SLC38A7: variants seen among roughly 807,000 people sequenced by gnomAD.
SLC38A7 encodes the protein sodium-coupled neutral amino acid transporter 7.
A neutral mutation model predicts 50.1 loss-of-function variants in SLC38A7; 29 were observed. The observed-to-expected ratio is 0.58, with a 90% CI of 0.43 to 0.79. The LOEUF is 0.79. SLC38A7 is among the 30% of genes least tolerant of loss of function. The probability of loss-of-function intolerance (pLI) is 0.00; values close to 1 mark genes in which losing one functional copy is unlikely to be tolerated. For missense variants in SLC38A7, 483 were observed against 610.6 expected (o/e 0.79, Z 2.20); for synonymous variants, 244 against 245.9 (o/e 0.99, Z 0.07).
intron 9 of SLC38A7, chr16:58,671,827 C>T: frequency 3.1e-6 from 1 of 317,942 alleles, no homozygotes. Context: ...CCTCAGCCTC[C>T]CAAAGTGCTG....
chr16:58,679,587 C>T (rs942193504), intron 3 of SLC38A7: 12 of 533,302 alleles, frequency 2.3e-5, no homozygotes, highest in African/African-American at 1.3e-4. Context: ...GATAAGGGCC[C>T]TCTTTTTAAA....
intron 2 of SLC38A7, chr16:58,681,634 C>A: frequency 6.6e-6 from 1 of 152,360 alleles, no homozygotes; most frequent in Non-Finnish European, 1.5e-5. Context: ...CGTCAGAATG[C>A]TGACTCCTCC....
intron 9 of SLC38A7, 37 bp from the exon 10 acceptor site, chr16:58,671,281 T>G (rs1044564495): frequency 6.3e-7 from 1 of 1,595,864 alleles, no homozygotes; most frequent in South Asian, 1.1e-5. Flanking sequence ...GTGCCCCTGC[T>G]GCTAGCAGCT....
At chr16:58,677,545 A>G (rs1391515816) in intron 5 of SLC38A7, 121 bp from the exon 6 acceptor site, 1 of 809,634 alleles carries the variant, frequency 1.2e-6, no homozygotes. Flanking sequence ...ACCGGAGACT[A>G]TGCCAAGCAG....
rs779098284 is a variant in SLC38A7, at chr16:58,678,916, G to C, written c.271-22C>G. On this transcript the variant is annotated intron_variant, in intron 3 of 11. Coordinates refer to ENST00000219320, the MANE Select transcript of SLC38A7 (RefSeq NM_018231.3). This position sits in a 1 kb window ranked among gnomAD's most constrained non-coding sequence, Gnocchi z 4.0. ...TACCCTGCAGGCAGAGGCAGAACAA[G>C]AGCTTGTGGCAAAGGCCTGGCAGCA... The C allele has an allele frequency of 2.5e-6, 4 of 1,607,840 alleles. No individual in the cohort carries two copies. The East Asian group carries it at 8.9e-5, about 36-fold the overall frequency.
In SLC38A7 at chr16:58,667,487, G is replaced by A; in HGVS notation, c.1287C>T (p.Ser429=). 6.2e-7 allele frequency: 1 copy of A among 1,605,332 alleles called. No homozygotes were observed. The highest frequency in any genetic ancestry group is 8.5e-7 in the Non-Finnish European group (1 of 1,175,758). The part of the protein sequence containing the change: ...LSEMEEVKPA[S]WWVLVSYGVL... Reference sequence around the variant, plus strand: ...CTCCGTAGCTGACCAGCACCCACCAGCTGTAGAACAGAGGGTGAGAGAGGT... The same window carrying A: ...CTCCGTAGCTGACCAGCACCCACCAACTGTAGAACAGAGGGTGAGAGAGGT... The change falls in exon 12 of 12, where the codon AGC becomes AGT. Residue 429 remains serine, a splice_region_variant and synonymous_variant. Transcript: ENST00000219320.
In SLC38A7 at chr16:58,684,050, A is replaced by G. The variant is rs897291314; in HGVS notation, c.-211T>C. 6.6e-6 allele frequency: 1 copy of G among 152,312 alleles called. No homozygotes were observed. Among genetic ancestry groups the G allele is most frequent in the Non-Finnish European group, 1.5e-5 (1 of 68,154 alleles). 9.4% of individuals were successfully genotyped at this position (152,312 alleles called of 1,614,324 possible). A position where few individuals can be genotyped will look rare whatever the true frequency, so the allele number is the denominator to read the frequency against. ...CTCCTCACTTCCCTTTCTGGACCCA[A>G]TTTCTTCTTTCTCAAGACTTTGCCT... On this transcript the variant is annotated 5_prime_UTR_variant, in exon 2 of 12. Transcript: ENST00000219320.
At chr16:58,682,592 T>C (rs562201902) in intron 2 of SLC38A7, among the ~76,000 whole-genome samples, 9 of 151,948 alleles carry the variant, frequency 5.9e-5, no homozygotes, top group Non-Finnish European at 1.2e-4. Context: ...CCCGAGTACC[T>C]GGGACTACAG....
Position 58,678,834 on chromosome 16 carries a change from T to G in SLC38A7, c.331A>C (p.Asn111His). 1 of 1,614,144 alleles carries G rather than the reference T, an allele frequency of 6.2e-7. No homozygotes were observed. ...VILAYCSQAS[N>H]ERTYQEVVWA... ...ACCACCTCCTGGTAGGTCCTCTCAT[T>G]GCTGGCCTGGGAGCAGTAGGCCAGG... The change falls in exon 4 of 12, where the codon AAT becomes CAT. Residue 111 changes from asparagine to histidine, a missense_variant. By Grantham distance (68) the Asn-to-His change is moderately conservative. Transcript: ENST00000219320. The surrounding 1 kb of genome is among the most constrained non-coding windows in gnomAD (Gnocchi z 4.0).
chr16:58,674,880 T>C (rs1398422518), intron 8 of SLC38A7, among the ~76,000 whole-genome samples: 1 of 151,892 alleles, frequency 6.6e-6, no homozygotes, highest in African/African-American at 2.4e-5. Context: ...CCAACCACTC[T>C]CCACACGGCA....
At position 58,671,236 on chromosome 16, in the gene SLC38A7, A is replaced by G; in HGVS notation, c.1040T>C (p.Val347Ala). 5 of 1,613,518 alleles carry G rather than the reference A, an allele frequency of 3.1e-6. No homozygotes were observed. The highest frequency in any genetic ancestry group is 4.2e-6 in the Non-Finnish European group (5 of 1,179,746). The stretch of plus-strand genomic sequence containing the variant: ...CTGGTAGCGCAGCCACAGGCCTTCC[A>G]CCACCGCCCTGCCCACATGGAGAAG... ...PILHFCGRAV[V>A]EGLWLRYQGV... The change falls in exon 10 of 12, where the codon GTG becomes GCG. Residue 347 changes from valine (V) to alanine (A), a missense_variant. By Grantham distance (64) the Val-to-Ala change is moderately conservative. Coordinates refer to ENST00000219320, the MANE Select transcript of SLC38A7 (RefSeq NM_018231.3).
chr16:58,674,868 C>T (rs940083558), intron 8 of SLC38A7, among the ~76,000 whole-genome samples: 8 of 152,074 alleles, frequency 5.3e-5, no homozygotes, highest in Non-Finnish European at 1.0e-4. Flanking sequence ...TGCTCCCTCA[C>T]CCCAACCACT....
Position 58,672,258 on chromosome 16 carries a change from A to C in SLC38A7, c.884-15T>G. On this transcript the variant is annotated splice_polypyrimidine_tract_variant and intron_variant, in intron 8 of 11. Transcript: ENST00000219320. ...GCCACAGATGCCTGTGGGCAGGGAC[A>C]ACTGGGTCAGGGCAACCCTGGGAGG... The C allele has an allele frequency of 3.2e-6, 5 of 1,574,604 alleles. No homozygotes were observed. Among genetic ancestry groups the C allele is most frequent in the Non-Finnish European group, 4.3e-6 (5 of 1,159,694 alleles).
At chr16:58,671,978 CTT>C (rs2044167704) in intron 9 of SLC38A7, 116 bp downstream of exon 9, 19 of 1,286,894 alleles carry the variant, frequency 1.5e-5, no homozygotes, top group Admixed American at 5.8e-5. Flanking sequence ...GGCACCGACT[CTT>C]TTCTACAGGC....
chr16:58,666,559 C>T lies in SLC38A7; in HGVS notation c.*826G>A, dbSNP rs1419707459. The T allele has an allele frequency of 6.5e-6, 1 of 152,852 alleles. No individual in the cohort carries two copies. Among genetic ancestry groups the T allele is most frequent in the Non-Finnish European group, 1.5e-5 (1 of 68,234 alleles). The allele number at this position is 152,852 out of a possible 1,614,324, so 9.5% of individuals were successfully genotyped here. A position where few individuals can be genotyped will look rare whatever the true frequency, so the allele number is the denominator to read the frequency against. ...GGTTCTCAGCCTTCTCCATCACCCA[C>T]CCTGCGGCCTCTGAAAAGAGGGGCC... is the stretch of plus-strand genomic sequence containing the variant. On this transcript the variant is annotated 3_prime_UTR_variant, in exon 12 of 12. Coordinates refer to ENST00000219320, the MANE Select transcript of SLC38A7 (RefSeq NM_018231.3).
chr16:58,680,038 C>T lies in SLC38A7; in HGVS notation c.89G>A (p.Cys30Tyr). The change falls in exon 3 of 12, where the codon TGT (cysteine) becomes TAT (tyrosine). Residue 30 changes from cysteine to tyrosine, a missense_variant. Cys to Tyr is a radical substitution (Grantham distance 194). Coordinates refer to ENST00000219320, the MANE Select transcript of SLC38A7 (RefSeq NM_018231.3). ...GERARLLQSP[C>Y]VDTAPKSEWE... ...CTCACTCTTGGGGGCTGTGTCCACACAGGGACTCTGCAGCAGCCGAGCCCG... is the reference window on the plus strand; with the variant it reads ...CTCACTCTTGGGGGCTGTGTCCACATAGGGACTCTGCAGCAGCCGAGCCCG... 1.2e-6 allele frequency: 2 copies of T among 1,605,514 alleles called. No homozygotes were observed. Among genetic ancestry groups the T allele is most frequent in the Non-Finnish European group, 1.7e-6 (2 of 1,175,116 alleles).
intron 8 of SLC38A7, among the ~76,000 whole-genome samples, chr16:58,672,876 G>C (rs1239526003): frequency 6.6e-6 from 1 of 151,966 alleles, no homozygotes; most frequent in Non-Finnish European, 1.5e-5. Flanking sequence ...CTGGGCTCAA[G>C]TAATCCTCCT....
At position 58,679,858 on chromosome 16, in the gene SLC38A7, A is replaced by G. The variant is rs201621133; in HGVS notation, c.269T>C (p.Met90Thr). 324 of 1,613,758 alleles carry G rather than the reference A, an allele frequency of 2.0e-4. 2 individuals are homozygous for G. Among genetic ancestry groups the G allele is most frequent in the Non-Finnish European group, 2.5e-4 (298 of 1,180,008 alleles). ...GGVAAGIALQ[M>T]GMLVFIISGL... is the part of the protein sequence containing the mutation. ...TGCCCTCCCGGCCAGTGCACTCACC[A>G]TCTGCAGTGCGATGCCTGCTGCCAC... Residue 90 changes from methionine to threonine, a missense_variant and splice_region_variant, in exon 3 of 12, where the codon ATG (methionine) becomes ACG (threonine). Physicochemically the swap from Met to Thr is moderately conservative, Grantham distance 81. Coordinates refer to ENST00000219320, the MANE Select transcript of SLC38A7 (RefSeq NM_018231.3).
intron 8 of SLC38A7, chr16:58,675,265 G>A (rs930474971): frequency 2.0e-5 from 8 of 402,182 alleles, no homozygotes; most frequent in African/African-American, 1.7e-4. Context: ...CCAGCACTTT[G>A]GGAGGCCGAG....
Sources: gnomAD v4.1 joint callset for allele counts (sites outside exome capture counted in the v4.1 genomes callset) on GRCh38, gnomAD v4.1.1 for gene constraint, Gnocchi (gnomAD v3.1) non-coding constraint, MANE v1.5 for transcripts, NCBI Gene and HGNC (gene_info 2026-07-23, HGNC 2026-07-21) for gene names.